ATXN1: variants seen among roughly 807,000 people sequenced by gnomAD.
ATXN1 encodes ataxin-1.
In ATXN1, 8 loss-of-function variants were observed where a neutral mutation model predicts 56.4. The observed-to-expected ratio is 0.14, with a 90% confidence interval of 0.08 to 0.26. The LOEUF (loss-of-function observed/expected upper bound fraction) is 0.26. Ranked by LOEUF, ATXN1 falls within the 10% of genes least tolerant of loss-of-function variation. ATXN1 has a pLI of 1.00. For missense variants in ATXN1, 987 were observed against 1,106.5 expected (o/e 0.89, Z 1.53); for synonymous variants, 514 against 494.6 (o/e 1.04, Z -0.52).
chr6:16,554,314 G>A (rs1349653210), intron 4 of ATXN1, among the ~76,000 whole-genome samples: 1 of 152,186 alleles, frequency 6.6e-6, no homozygotes, highest in Middle Eastern at 3.2e-3. Context: ...GTTTAGCCCT[G>A]TGCTAAGATT....
At chr6:16,361,167 G>A (rs1761800953) in intron 6 of ATXN1, among the ~76,000 whole-genome samples, 1 of 152,190 alleles carries the variant, frequency 6.6e-6, no homozygotes, top group South Asian at 2.1e-4. Context: ...AGAAGAATCT[G>A]TGTTAGGGGT....
At position 16,305,027 on chromosome 6, in the gene ATXN1, A is replaced by C. The variant is rs1448494916; in HGVS notation, c.*1302T>G. ...ATTCATCCCTTTAAACCACATTGAA[A>C]CTTTCAATATCTTGCTCTTCAGCAA... On this transcript the variant is annotated 3_prime_UTR_variant, in exon 8 of 8. Transcript: ENST00000436367. The C allele has an allele frequency of 1.3e-5, 2 of 152,638 alleles. No individual in the cohort carries two copies. Among genetic ancestry groups the C allele is most frequent in the Non-Finnish European group, 2.9e-5 (2 of 68,028 alleles). The allele number at this position is 152,638 out of a possible 1,614,324, so 9.5% of individuals were successfully genotyped here. A position where few individuals can be genotyped will look rare whatever the true frequency, so the allele number is the denominator to read the frequency against.
rs745856272 is a variant in ATXN1, at chr6:16,538,130, G to T, written c.-360-15442C>A. 3.3e-5 allele frequency among the ~76,000 whole-genome samples: 5 copies of T among 152,152 alleles called. No individual in the cohort carries two copies. In the South Asian group the frequency reaches 6.2e-4, roughly 19 times the overall value. On this transcript the variant is annotated intron_variant, in intron 4 of 7. Transcript: ENST00000436367. ...ACAAGAAATATGTCCACTGAAAATAGGAATTTCCTTTCTCTCTTTGCCCTC... is the reference window on the plus strand; with the variant it reads ...ACAAGAAATATGTCCACTGAAAATATGAATTTCCTTTCTCTCTTTGCCCTC...
chr6:16,726,865 A>C (rs1759862115), intron 2 of ATXN1, among the ~76,000 whole-genome samples: 1 of 152,214 alleles, frequency 6.6e-6, no homozygotes, highest in Non-Finnish European at 1.5e-5. Context: ...TCTCAAAAAA[A>C]AACAAAGAAT....
intron 3 of ATXN1, among the ~76,000 whole-genome samples, chr6:16,641,736 A>T (rs1009508184): frequency 6.6e-6 from 1 of 152,246 alleles, no homozygotes; most frequent in Non-Finnish European, 1.5e-5. Flanking sequence ...CTTATTTAAG[A>T]AATACATTCT....
At chr6:16,594,955 G>A (rs1028162814) in intron 3 of ATXN1, among the ~76,000 whole-genome samples, 4 of 152,172 alleles carry the variant, frequency 2.6e-5, no homozygotes, top group Non-Finnish European at 4.4e-5. Flanking sequence ...AGATTGGACT[G>A]AGGGTTAATA....
chr6:16,735,414 A>T (rs1760094850), intron 2 of ATXN1, among the ~76,000 whole-genome samples: 1 of 152,198 alleles, frequency 6.6e-6, no homozygotes, highest in African/African-American at 2.4e-5. Context: ...ATTGAATAAA[A>T]CTATCAGCAA....
chr6:16,682,341 T>C (rs1758832096), intron 2 of ATXN1, among the ~76,000 whole-genome samples: 1 of 151,844 alleles, frequency 6.6e-6, no homozygotes. Context: ...GGATTACAGG[T>C]GTGCACCACC....
chr6:16,554,259 T>G (rs569226249), intron 4 of ATXN1, among the ~76,000 whole-genome samples: 1 of 152,338 alleles, frequency 6.6e-6, no homozygotes, highest in Non-Finnish European at 1.5e-5. Flanking sequence ...AACAATAACT[T>G]TTGTTCAAGG....
chr6:16,462,720 C>T (rs947822980), intron 6 of ATXN1, among the ~76,000 whole-genome samples: 1 of 152,150 alleles, frequency 6.6e-6, no homozygotes, highest in Non-Finnish European at 1.5e-5. Context: ...TTCCAAGCCC[C>T]GTTATGCATC....
chr6:16,540,175 C>T (rs1761684951), intron 4 of ATXN1, among the ~76,000 whole-genome samples: 1 of 152,112 alleles, frequency 6.6e-6, no homozygotes, highest in Non-Finnish European at 1.5e-5. Context: ...CAATAATAAA[C>T]ATTATAGAGT....
At chr6:16,536,924 A>G (rs1176974111) in intron 4 of ATXN1, among the ~76,000 whole-genome samples, 3 of 152,232 alleles carry the variant, frequency 2.0e-5, no homozygotes, top group Non-Finnish European at 4.4e-5. Context: ...TCTAGTCAAT[A>G]CACATTTTCA....
At chr6:16,523,599 C>A (rs1761336711) in intron 4 of ATXN1, among the ~76,000 whole-genome samples, 1 of 152,178 alleles carries the variant, frequency 6.6e-6, no homozygotes, top group African/African-American at 2.4e-5. Context: ...ACCAAAGTAC[C>A]CCATTCCTGC....
chr6:16,400,375 C>T (rs1009136938), intron 6 of ATXN1, among the ~76,000 whole-genome samples: 2 of 152,010 alleles, frequency 1.3e-5, no homozygotes, highest in African/African-American at 2.4e-5. Flanking sequence ...TTCAGGGCTC[C>T]GTGGCTACTT....
intron 2 of ATXN1, among the ~76,000 whole-genome samples, chr6:16,731,454 CTTT>C (rs71559655): frequency 6.1e-5 from 5 of 81,754 alleles, no homozygotes; most frequent in South Asian, 5.5e-4. Flanking sequence ...TTTTTCTTTT[CTTT>C]TTTTTTTTTT....
At chr6:16,593,042 T>A (rs999357080) in intron 3 of ATXN1, among the ~76,000 whole-genome samples, 2 of 152,234 alleles carry the variant, frequency 1.3e-5, no homozygotes, top group Admixed American at 1.3e-4. Flanking sequence ...TACAAATCTC[T>A]TGCTAGCTAC....
chr6:16,404,226 C>T (rs1758638127), intron 6 of ATXN1, among the ~76,000 whole-genome samples: 2 of 152,148 alleles, frequency 1.3e-5, no homozygotes, highest in African/African-American at 2.4e-5. Context: ...TTCCACAGGG[C>T]CTCTGAAAAG....
At chr6:16,606,444 C>T (rs1457635144) in intron 3 of ATXN1, among the ~76,000 whole-genome samples, 1 of 151,922 alleles carries the variant, frequency 6.6e-6, no homozygotes, top group East Asian at 1.9e-4. Context: ...TTAAGAATAG[C>T]TCTGGAGCCA....
chr6:16,456,468 A>G (rs1460597411), intron 6 of ATXN1, among the ~76,000 whole-genome samples: 2 of 152,186 alleles, frequency 1.3e-5, no homozygotes, highest in African/African-American at 2.4e-5. Context: ...AGTCAGGAGC[A>G]TTGGTTTGCC....
Sources: allele counts gnomAD v4.1 joint callset (sites outside exome capture counted in the v4.1 genomes callset), GRCh38; gene constraint gnomAD v4.1.1; transcripts MANE v1.5; gene names NCBI Gene and HGNC (gene_info 2026-07-23, HGNC 2026-07-21).